CCSER1: variants seen among roughly 807,000 people sequenced by gnomAD.
CCSER1 encodes coiled-coil serine rich protein 1.
CCSER1 carries 41 observed loss-of-function variants against 82.0 expected under a neutral mutation model. The observed-to-expected ratio is 0.50, with a 90% CI of 0.39 to 0.65. CCSER1 has a LOEUF of 0.65. Among genes scored for constraint, CCSER1 ranks in the 30% least tolerant of loss-of-function variants. CCSER1 has a pLI of 0.00. For synonymous variants in CCSER1, 414 were observed against 383.9 expected, an observed-to-expected ratio of 1.08 and a Z score of -0.92; for missense variants, 1,119 against 1,064.2, an observed-to-expected ratio of 1.05 and a Z score of -0.72.
At chr4:90,518,801 ATCTT>A (rs1772650350) in intron 5 of CCSER1, among the ~76,000 whole-genome samples, 1 of 151,946 alleles carries the variant, frequency 6.6e-6, no homozygotes, top group Non-Finnish European at 1.5e-5. Context: ...CTAAATATAT[ATCTT>A]TATATAAGGA....
In CCSER1 at chr4:90,562,359, C is replaced by G. The variant is rs571908579; in HGVS notation, c.1725-65666C>G. Among the ~76,000 whole-genome samples the G allele has an allele frequency of 3.9e-5, 6 of 152,196 alleles. No individual in the cohort carries two copies. The South Asian group carries it at 1.2e-3, about 32-fold the overall frequency. The stretch of plus-strand genomic sequence containing the variant: ...TCATCAGGTTAGTTTAATATCCACT[C>G]TTTCCAATAAACGTCTGATTCTGAA... On this transcript the variant is annotated intron_variant, in intron 5 of 10. Transcript: ENST00000509176.
intron 10 of CCSER1, among the ~76,000 whole-genome samples, chr4:91,230,020 A>G (rs1471773379): frequency 1.3e-5 from 2 of 152,130 alleles, no homozygotes. Flanking sequence ...TTTCTTTTGT[A>G]CCCCACCAAA....
intron 1 of CCSER1, among the ~76,000 whole-genome samples, chr4:90,243,566 TG>T (rs1376321205): frequency 1.3e-5 from 2 of 148,328 alleles, no homozygotes; most frequent in African/African-American, 5.2e-5. Flanking sequence ...TTTTTTATTT[TG>T]GGGAGGTGGG....
chr4:90,212,695 A>T (rs145204545), intron 1 of CCSER1, among the ~76,000 whole-genome samples: 4 of 152,372 alleles, frequency 2.6e-5, no homozygotes, highest in African/African-American at 9.6e-5. Context: ...GATATATTGT[A>T]TGTCTGATAA....
chr4:91,475,906 G>C (rs926732509), intron 10 of CCSER1, among the ~76,000 whole-genome samples: 1 of 151,688 alleles, frequency 6.6e-6, no homozygotes, highest in Admixed American at 6.6e-5. Context: ...TTGTCTCTCT[G>C]TATCAGGCAT....
At chr4:90,591,148 T>C (rs1782644223) in intron 5 of CCSER1, among the ~76,000 whole-genome samples, 1 of 152,318 alleles carries the variant, frequency 6.6e-6, no homozygotes, top group South Asian at 2.1e-4. Flanking sequence ...ACATTGCTGT[T>C]GTAGCCTGAA....
chr4:90,835,643 C>T (rs1259430129), intron 8 of CCSER1, among the ~76,000 whole-genome samples: 1 of 151,976 alleles, frequency 6.6e-6, no homozygotes, highest in Admixed American at 6.6e-5. Flanking sequence ...TTTCTTCATA[C>T]ATCATCGATA....
At chr4:90,931,595 G>A (rs1173699692) in intron 9 of CCSER1, among the ~76,000 whole-genome samples, 1 of 152,066 alleles carries the variant, frequency 6.6e-6, no homozygotes, top group East Asian at 1.9e-4. Flanking sequence ...CAGTACACTA[G>A]CTCATGGCTT....
chr4:90,725,931 C>CA (rs1693727981), intron 7 of CCSER1, among the ~76,000 whole-genome samples: 1 of 151,890 alleles, frequency 6.6e-6, no homozygotes, highest in South Asian at 2.1e-4. Flanking sequence ...ACCTATTCCC[C>CA]ATGAATGTGA....
At position 90,858,978 on chromosome 4, in the gene CCSER1, G is replaced by A. The variant is rs1022679686; in HGVS notation, c.2094+43133G>A. On this transcript the variant is annotated intron_variant, in intron 8 of 10. Coordinates refer to ENST00000509176, the MANE Select transcript of CCSER1 (RefSeq NM_001145065.2). ...TAGAGGTCAAAAGATATTTTGCAGT[G>A]CATTTATGATTTTCACAAGTTTTTG... Among the ~76,000 whole-genome samples, 107 of 151,842 alleles carry A rather than the reference G, an allele frequency of 7.0e-4. 2 individuals carry two copies. Among genetic ancestry groups the A allele is most frequent in the Admixed American group, 8.6e-4 (13 of 15,194 alleles).
intron 8 of CCSER1, 132 bp downstream of exon 8, chr4:90,815,977 T>G: frequency 5.6e-6 from 3 of 535,040 alleles, no homozygotes; most frequent in Non-Finnish European, 9.8e-6. Flanking sequence ...AATGATCAGT[T>G]TTTATAATTC....
chr4:90,905,727 G>A (rs1475989583), intron 8 of CCSER1, among the ~76,000 whole-genome samples: 2 of 152,106 alleles, frequency 1.3e-5, no homozygotes, highest in Non-Finnish European at 2.9e-5. Context: ...TGTCATGAGA[G>A]CATTGTGTGC....
At chr4:91,274,485 C>A (rs1006310831) in intron 10 of CCSER1, among the ~76,000 whole-genome samples, 1 of 152,082 alleles carries the variant, frequency 6.6e-6, no homozygotes, top group Non-Finnish European at 1.5e-5. Context: ...CACCACCCAC[C>A]CACCCATTTT....
intron 10 of CCSER1, among the ~76,000 whole-genome samples, chr4:91,422,547 G>A (rs1377651407): frequency 1.3e-5 from 2 of 152,070 alleles, no homozygotes; most frequent in Non-Finnish European, 2.9e-5. Context: ...AGAATTAGGA[G>A]GACATTGGTG....
intron 1 of CCSER1, among the ~76,000 whole-genome samples, chr4:90,245,595 G>C (rs914448143): frequency 6.6e-6 from 1 of 152,084 alleles, no homozygotes. Context: ...TAAAAATGAC[G>C]ATTGAACATC....
chr4:90,687,211 T>G (rs1278649066), intron 6 of CCSER1, among the ~76,000 whole-genome samples: 1 of 152,232 alleles, frequency 6.6e-6, no homozygotes, highest in Non-Finnish European at 1.5e-5. Context: ...GTAAAATTCT[T>G]TTTTTCAAGT....
At chr4:90,932,988 GAAAGAAAGAA>G (rs1730256832) in intron 9 of CCSER1, among the ~76,000 whole-genome samples, 8 of 32,788 alleles carry the variant, frequency 2.4e-4, no homozygotes, top group Non-Finnish European at 4.0e-4. Flanking sequence ...GAAAGAGAAA[GAAAGAAAGAA>G]AGAAAGAAAG....
chr4:90,766,056 G>A (rs1198044033), intron 7 of CCSER1, among the ~76,000 whole-genome samples: 2 of 152,054 alleles, frequency 1.3e-5, no homozygotes, highest in African/African-American at 4.8e-5. Flanking sequence ...GGGAAAATGT[G>A]TGTGTGTGTA....
chr4:91,469,304 T>C (rs1431392685), intron 10 of CCSER1, among the ~76,000 whole-genome samples: 2 of 152,158 alleles, frequency 1.3e-5, no homozygotes, highest in South Asian at 2.1e-4. Context: ...ATGAAGTGCT[T>C]TAAGAATCAC....
Sources: allele counts gnomAD v4.1 joint callset (sites outside exome capture counted in the v4.1 genomes callset), GRCh38; gene constraint gnomAD v4.1.1; transcripts MANE v1.5; gene names NCBI Gene and HGNC (gene_info 2026-07-23, HGNC 2026-07-21).